Variants in SCNN1A observed in about 807,000 individuals in gnomAD.
SCNN1A encodes sodium channel epithelial 1 subunit alpha, also known as epithelial sodium channel subunit alpha.
In SCNN1A, 65 loss-of-function variants were observed where a neutral mutation model predicts 68.6. The ratio of observed to expected loss-of-function variants is 0.95; its 90% CI spans 0.78 to 1.16. The LOEUF is 1.16. Among genes scored for constraint, SCNN1A ranks in the 50% most tolerant of loss-of-function variants. The pLI is 0.00. For synonymous variants in SCNN1A, 357 were observed against 353.3 expected, an observed-to-expected ratio of 1.01 and a Z score of -0.12; for missense variants, 880 against 865.9, an observed-to-expected ratio of 1.02 and a Z score of -0.20.
At chr12:6,359,507 C>A (rs953202892) in intron 4 of SCNN1A, among the ~76,000 whole-genome samples, 2 of 152,144 alleles carry the variant, frequency 1.3e-5, no homozygotes, top group African/African-American at 4.8e-5. Context: ...GGGTGGGTCC[C>A]TCTTGAATGG....
intron 2 of SCNN1A, among the ~76,000 whole-genome samples, chr12:6,365,920 G>A (rs999204575): frequency 5.3e-5 from 8 of 151,858 alleles, no homozygotes; most frequent in East Asian, 1.9e-4. Context: ...GTGCAGTGCC[G>A]TGATCTCGGC....
At chr12:6,366,201 G>T (rs1948676941) in intron 2 of SCNN1A, among the ~76,000 whole-genome samples, 1 of 152,158 alleles carries the variant, frequency 6.6e-6, no homozygotes. Context: ...CACAGCTAGT[G>T]AGAATATAAA....
chr12:6,376,579 G>GTTGATGGGCTATA (rs1948914129), upstream of SCNN1A, among the ~76,000 whole-genome samples: 1 of 152,240 alleles, frequency 6.6e-6, no homozygotes, highest in South Asian at 2.1e-4. Context: ...GGAGAAATTC[G>GTTGATGGGCTATA]TTGATGGGCT....
chr12:6,363,422 C>T (rs558564075), intron 3 of SCNN1A, 21 bp downstream of exon 3: 4 of 1,520,724 alleles, frequency 2.6e-6, no homozygotes, highest in Middle Eastern at 2.3e-4. Context: ...GGGGCGGGCC[C>T]CTCGGCGCTG....
intron 4 of SCNN1A, among the ~76,000 whole-genome samples, chr12:6,358,913 C>T (rs143958758): frequency 1.3e-5 from 2 of 150,114 alleles, no homozygotes; most frequent in South Asian, 2.1e-4. Context: ...TAGTATTCAG[C>T]CATAAAAATG....
In SCNN1A at chr12:6,363,629, G is replaced by A; in HGVS notation, c.498C>T (p.Ser166=). The A allele has an allele frequency of 1.9e-6, 3 of 1,613,444 alleles. No homozygotes were observed. Among genetic ancestry groups the A allele is most frequent in the Non-Finnish European group, 2.5e-6 (3 of 1,179,676 alleles). Residue 166 remains serine, a synonymous_variant, in exon 3 of 13, where the codon TCC becomes TCT. Transcript: ENST00000228916. ...GGGAGCCGGCCACGAGAGTGGTGAA[G>A]GAGCTGTATTTGTACAGGTCAAAGA... ...QTLFDLYKYS[S]FTTLVAGSRS...
upstream of SCNN1A, chr12:6,375,900 A>C: frequency 8.4e-7 from 1 of 1,197,212 alleles, no homozygotes. Flanking sequence ...GAGGGAGACA[A>C]TAGAGAGGGA....
chr12:6,363,818 A>G (rs1005936463), intron 2 of SCNN1A, 108 bp from the exon 3 acceptor site: 4 of 1,127,876 alleles, frequency 3.5e-6, no homozygotes, highest in Non-Finnish European at 4.9e-6. Context: ...TCCATCCCGG[A>G]GAAGCCTGGG....
At chr12:6,375,614 G>A (rs1344736031), upstream of SCNN1A, 1 of 828,818 alleles carries the variant, frequency 1.2e-6, no homozygotes, top group Non-Finnish European at 1.9e-6. Flanking sequence ...GCGGGGGGAG[G>A]GGCTGAGGAG....
chr12:6,374,267 A>G lies in SCNN1A; in HGVS notation c.416+101T>C. 7.6e-7 allele frequency: 1 copy of G among 1,310,714 alleles called. No individual in the cohort carries two copies. The highest frequency in any genetic ancestry group is 1.1e-6 in the Non-Finnish European group (1 of 940,680). The allele number at this position is 1,310,714 out of a possible 1,614,324, so 81.2% of individuals were successfully genotyped here. A position where few individuals can be genotyped will look rare whatever the true frequency, so the allele number is the denominator to read the frequency against. On this transcript the variant is annotated intron_variant, in intron 2 of 12. Transcript: ENST00000228916. The surrounding 1 kb of genome is among the most constrained non-coding windows in gnomAD (Gnocchi z 6.2). ...ACCTGGGACAGGGGTGTCAGTTCCC[A>G]CCCTCAGGTCTGAGGCTCTGCCTGC...
At position 6,351,274 on chromosome 12, in the gene SCNN1A, C is replaced by G. The variant is rs1488577462; in HGVS notation, c.1361-1869G>C. Among the ~76,000 whole-genome samples the G allele has an allele frequency of 6.6e-6, 1 of 152,158 alleles. No individual in the cohort carries two copies. The highest frequency in any genetic ancestry group is 1.5e-5 in the Non-Finnish European group (1 of 68,034). On this transcript the variant is annotated intron_variant, in intron 8 of 12. Transcript: ENST00000228916. This position sits in a 1 kb window ranked among gnomAD's most constrained non-coding sequence, Gnocchi z 4.2. ...ACGGATGAACCTTGAAAATATTATG[C>G]TAAGTGAAATAAGGCAGACACGAGG...
upstream of SCNN1A, chr12:6,376,040 G>T (rs999754425): frequency 3.0e-6 from 3 of 994,174 alleles, no homozygotes; most frequent in Non-Finnish European, 3.6e-6. Context: ...GAGAGCAAGG[G>T]GGGAGTCCCA....
upstream of SCNN1A, among the ~76,000 whole-genome samples, chr12:6,376,724 C>G (rs999881945): frequency 1.3e-5 from 2 of 152,100 alleles, no homozygotes; most frequent in African/African-American, 4.8e-5. Context: ...TCGGGAGAGC[C>G]ACCCACACAA....
In SCNN1A at chr12:6,363,584, C is replaced by T. The variant is rs148904855; in HGVS notation, c.543G>A (p.Arg181=). 1.2e-5 allele frequency: 19 copies of T among 1,611,998 alleles called. No homozygotes were observed. In the African/African-American group the frequency reaches 2.1e-4, roughly 18 times the overall value. Residue 181 remains arginine, a synonymous_variant, in exon 3 of 13, where the codon CGG becomes CGA. Transcript: ENST00000228916. ...GCTGCAAGGGGTGCGGCAGAGTCCC[C>T]CGCAGGTCGCGACGGCTGCGGGAGC... ...VAGSRSRRDL[R]GTLPHPLQRL... is the part of the protein sequence containing the mutation.
Position 6,374,673 on chromosome 12 carries a change from C to A in SCNN1A, c.111G>T (p.Ala37=), listed in dbSNP as rs571296830. The A allele has an allele frequency of 6.2e-7, 1 of 1,613,690 alleles. No individual in the cohort carries two copies. Among genetic ancestry groups the A allele is most frequent in the Non-Finnish European group, 8.5e-7 (1 of 1,179,896 alleles). The change falls in exon 2 of 13, where the codon GCG becomes GCT. Residue 37 remains alanine, a synonymous_variant. Coordinates refer to ENST00000228916, the MANE Select transcript of SCNN1A (RefSeq NM_001038.6). The surrounding 1 kb of genome is among the most constrained non-coding windows in gnomAD (Gnocchi z 6.2). The part of the protein sequence containing the change: ...EEQGLGPEPA[A]PQQPTAEEEA... ...CCTCCTCCGCCGTGGGCTGCTGGGG[C>A]GCCGCAGGTTCGGGGCCCAGCCCCT...
intron 2 of SCNN1A, among the ~76,000 whole-genome samples, chr12:6,373,908 C>T (rs1948843507): frequency 1.3e-5 from 2 of 152,186 alleles, no homozygotes; most frequent in Admixed American, 1.3e-4. Flanking sequence ...CTGACAGCAC[C>T]ACCTCCACAG....
chr12:6,362,201 G>A lies in SCNN1A; in HGVS notation c.725C>T (p.Ser242Leu), dbSNP rs1044323709. The change falls in exon 4 of 13, where the codon TCA becomes TTA. Residue 242 changes from serine (S) to leucine (L), a missense_variant. By Grantham distance (145) the Ser-to-Leu change is moderately radical. Coordinates refer to ENST00000228916, the MANE Select transcript of SCNN1A (RefSeq NM_001038.6). ...CTCCCTCACCGCATCCACCCCTGAT[G>A]AGTATGTCTGGTAGAAGCAGTCCGA... ...NKSDCFYQTY[S>L]SGVDAVREWY... The A allele has an allele frequency of 6.2e-7, 1 of 1,614,082 alleles. No homozygotes were observed. The highest frequency in any genetic ancestry group is 8.5e-7 in the Non-Finnish European group (1 of 1,180,004).
chr12:6,348,361 C>G, intron 12 of SCNN1A, 108 bp from the exon 13 acceptor site: 1 of 1,577,374 alleles, frequency 6.3e-7, no homozygotes, highest in Non-Finnish European at 8.6e-7. Flanking sequence ...TCCCTGAAGA[C>G]CCCCGAGTCC....
chr12:6,375,891 A>T, upstream of SCNN1A: 1 of 1,242,242 alleles, frequency 8.0e-7, no homozygotes. Context: ...GGGCAGAAAG[A>T]GGGAGACAAT....
Sources: allele counts gnomAD v4.1 joint callset (sites outside exome capture counted in the v4.1 genomes callset), GRCh38; gene constraint gnomAD v4.1.1; non-coding constraint Gnocchi (gnomAD v3.1); transcripts MANE v1.5; gene names NCBI Gene and HGNC (gene_info 2026-07-23, HGNC 2026-07-21).